FREM2: variants seen among roughly 807,000 people sequenced by gnomAD.
The protein encoded by FREM2 is FRAS1 related extracellular matrix 2.
Under a neutral mutation model 219.9 loss-of-function variants are expected in FREM2, and 119 were observed. The ratio of observed to expected loss-of-function variants is 0.54; its 90% CI spans 0.47 to 0.63. The LOEUF is 0.63. Among genes scored for constraint, FREM2 ranks in the 30% least tolerant of loss-of-function variants. The pLI is 0.00. For missense variants in FREM2, 4,030 were observed against 3,993.6 expected, an observed-to-expected ratio of 1.01 and a Z score of -0.25; for synonymous variants, 1,562 against 1,522.8, an observed-to-expected ratio of 1.03 and a Z score of -0.60.
intron 2 of FREM2, among the ~76,000 whole-genome samples, chr13:38,730,625 T>A (rs1322513989): frequency 6.6e-6 from 1 of 152,214 alleles, no homozygotes; most frequent in African/African-American, 2.4e-5. Context: ...CTCAGGCAGC[T>A]CACCCTCACT....
intron 2 of FREM2, among the ~76,000 whole-genome samples, chr13:38,745,811 A>G (rs1398652442): frequency 2.0e-5 from 3 of 152,060 alleles, no homozygotes; most frequent in Non-Finnish European, 4.4e-5. Flanking sequence ...GGTAATTATC[A>G]CTATTCTGCC....
Position 38,783,174 on chromosome 13 carries a change from G to C in FREM2, c.5746G>C (p.Val1916Leu). 1 of 1,614,054 alleles carries C rather than the reference G, an allele frequency of 6.2e-7. No individual in the cohort carries two copies. Among genetic ancestry groups the C allele is most frequent in the Non-Finnish European group, 8.5e-7 (1 of 1,179,982 alleles). ...RSGDVSQELM[V>L]VCYTQQGTAT... Reference sequence around the variant, plus strand: ...CGGAGATGTGAGCCAGGAGTTGATGGTGGTCTGTTATACCCAACAAGGTAG... The same window carrying C: ...CGGAGATGTGAGCCAGGAGTTGATGCTGGTCTGTTATACCCAACAAGGTAG... The change falls in exon 5 of 24, where the codon GTG (valine) becomes CTG (leucine). Residue 1916 changes from valine (V) to leucine (L), a missense_variant. Val to Leu is a conservative substitution (Grantham distance 32). Coordinates refer to ENST00000280481, the MANE Select transcript of FREM2 (RefSeq NM_207361.6).
intron 6 of FREM2, among the ~76,000 whole-genome samples, chr13:38,842,416 G>T (rs1264890761): frequency 6.6e-6 from 1 of 152,158 alleles, no homozygotes; most frequent in Non-Finnish European, 1.5e-5. Flanking sequence ...GAAACCTGGG[G>T]AAGGGGAGTG....
intron 2 of FREM2, among the ~76,000 whole-genome samples, chr13:38,755,616 A>T (rs375275496): frequency 5.3e-5 from 8 of 152,096 alleles, no homozygotes; most frequent in Non-Finnish European, 1.2e-4. Context: ...TATAGAGTCC[A>T]TTATTTTGCC....
intron 2 of FREM2, among the ~76,000 whole-genome samples, chr13:38,717,107 C>A (rs1372598116): frequency 6.6e-6 from 1 of 152,122 alleles, no homozygotes; most frequent in Non-Finnish European, 1.5e-5. Context: ...CTTCCTGTCA[C>A]TAGAAGTATT....
intron 2 of FREM2, among the ~76,000 whole-genome samples, chr13:38,759,786 C>A (rs182916886): frequency 6.6e-6 from 1 of 152,196 alleles, no homozygotes; most frequent in East Asian, 1.9e-4. Context: ...TATAATTTCA[C>A]GTTCAGTAAG....
At chr13:38,832,953 T>C (rs1876569250) in intron 6 of FREM2, among the ~76,000 whole-genome samples, 1 of 152,018 alleles carries the variant, frequency 6.6e-6, no homozygotes, top group Non-Finnish European at 1.5e-5. Context: ...ACAGAAGATT[T>C]GCTTAAGCCC....
rs1304259287 is a variant in FREM2 at position 38,690,686 on chromosome 13, T to G, written c.3342T>G (p.Tyr1114Ter). Residue 1114 changes from tyrosine to a stop codon, truncating the protein, a stop_gained, in exon 1 of 24, where the codon TAT becomes TAG. Transcript: ENST00000280481. LOFTEE classifies it high-confidence loss of function. ...CTIVIQPTSG[Y>*]VENISPAPGS... ...TAGTTATTCAGCCTACTTCAGGTTATGTTGAAAACATTTCTCCAGCACCAG... is the reference window on the plus strand; with the variant it reads ...TAGTTATTCAGCCTACTTCAGGTTAGGTTGAAAACATTTCTCCAGCACCAG... 5.0e-6 allele frequency: 8 copies of G among 1,614,060 alleles called. No homozygotes were observed. Among genetic ancestry groups the G allele is most frequent in the Non-Finnish European group, 6.8e-6 (8 of 1,180,040 alleles).
Position 38,784,750 on chromosome 13 carries a change from A to C in FREM2, c.5961A>C (p.Gly1987=), listed in dbSNP as rs377261589. ...FHVLLSMPMG[G]RIGSEFPGAQ... ...TCCTTCTGAGCATGCCCATGGGGGG[A>C]AGAATCGGATCAGAGTTCCCAGGGG... is the stretch of plus-strand genomic sequence containing the variant. Residue 1987 remains glycine (G), a synonymous_variant, in exon 6 of 24, where the codon GGA becomes GGC. Transcript: ENST00000280481. 6.2e-7 allele frequency: 1 copy of C among 1,614,082 alleles called. No individual in the cohort carries two copies. The highest frequency in any genetic ancestry group is 2.2e-5 in the East Asian group (1 of 44,864).
intron 6 of FREM2, among the ~76,000 whole-genome samples, chr13:38,795,297 A>G (rs1874725308): frequency 6.6e-6 from 1 of 150,402 alleles, no homozygotes; most frequent in Admixed American, 6.7e-5. Flanking sequence ...TACACCCTGG[A>G]TGAGGTGTCC....
At chr13:38,803,559 C>G (rs952116117) in intron 6 of FREM2, among the ~76,000 whole-genome samples, 2 of 151,786 alleles carry the variant, frequency 1.3e-5, no homozygotes, top group African/African-American at 4.8e-5. Context: ...CAATTTAATA[C>G]GCAGTATTGT....
At position 38,850,908 on chromosome 13, in the gene FREM2, T is replaced by C. The variant is rs539491220; in HGVS notation, c.6578-36T>C. 4.0e-5 allele frequency: 65 copies of C among 1,605,884 alleles called. 1 individual carries two copies. The South Asian group carries it at 6.6e-4, about 16-fold the overall frequency. Reference sequence around the variant, plus strand: ...CATTCTAGTTGTAGATATATTCCTATGGGATGTGATTGACCTGCTGACATT... The same window carrying C: ...CATTCTAGTTGTAGATATATTCCTACGGGATGTGATTGACCTGCTGACATT... On this transcript the variant is annotated intron_variant, in intron 9 of 23. Coordinates refer to ENST00000280481, the MANE Select transcript of FREM2 (RefSeq NM_207361.6).
rs558813012 is a variant in FREM2 at position 38,827,193 on chromosome 13, C to T, written c.6020-19380C>T. 3.9e-5 allele frequency among the ~76,000 whole-genome samples: 6 copies of T among 152,086 alleles called. 1 individual carries two copies. The South Asian group carries it at 6.2e-4, about 16-fold the overall frequency. ...CTTATACCACATTCTAGTTGTGTGG[C>T]GTTGAGCAAGTTATTTAACCTCTCT... On this transcript the variant is annotated intron_variant, in intron 6 of 23. Coordinates refer to ENST00000280481, the MANE Select transcript of FREM2 (RefSeq NM_207361.6).
intron 6 of FREM2, among the ~76,000 whole-genome samples, chr13:38,844,947 A>G (rs1311956644): frequency 2.0e-5 from 3 of 152,186 alleles, no homozygotes; most frequent in African/African-American, 7.2e-5. Context: ...CTTGTAATTG[A>G]GGTTGGCTTT....
intron 7 of FREM2, among the ~76,000 whole-genome samples, chr13:38,847,082 C>T (rs1164726819): frequency 1.3e-5 from 2 of 152,062 alleles, no homozygotes; most frequent in African/African-American, 4.8e-5. Context: ...CCCACAGAAA[C>T]CTATGACATT....
intron 17 of FREM2, 37 bp from the exon 18 acceptor site, chr13:38,874,445 A>G (rs759134193): frequency 1.3e-6 from 2 of 1,509,420 alleles, no homozygotes; most frequent in African/African-American, 1.4e-5. Context: ...GTCTCTGGCT[A>G]CATATATTTT....
In FREM2 at chr13:38,689,208, C is replaced by T; in HGVS notation, c.1864C>T (p.Gln622Ter). Residue 622 changes from glutamine (Q) to a stop codon, truncating the protein, a stop_gained, in exon 1 of 24, where the codon CAG (glutamine) becomes TAG (stop). Coordinates refer to ENST00000280481, the MANE Select transcript of FREM2 (RefSeq NM_207361.6). LOFTEE classifies it high-confidence loss of function. ...CCAAACTCACCCTCCCCATGAGAAG[C>T]AGGAACTTCTCAGAGGCCTTTGGAG... ...LRQTHPPHEK[Q>*]ELLRGLWRKE... 6.2e-7 allele frequency: 1 copy of T among 1,613,992 alleles called. No homozygotes were observed. The highest frequency in any genetic ancestry group is 8.5e-7 in the Non-Finnish European group (1 of 1,179,920).
At chr13:38,826,088 G>T (rs1426328975) in intron 6 of FREM2, among the ~76,000 whole-genome samples, 1 of 152,004 alleles carries the variant, frequency 6.6e-6, no homozygotes, top group African/African-American at 2.4e-5. Context: ...TTCCTTGAGA[G>T]GAAGCACCTA....
At position 38,691,205 on chromosome 13, in the gene FREM2, T is replaced by C. The variant is rs1167786119; in HGVS notation, c.3861T>C (p.Ser1287=). 6.2e-7 allele frequency: 1 copy of C among 1,614,056 alleles called. No homozygotes were observed. Among genetic ancestry groups the C allele is most frequent in the African/African-American group, 1.3e-5 (1 of 74,994 alleles). Residue 1287 remains serine (S), a synonymous_variant, in exon 1 of 24, where the codon TCT becomes TCC. Transcript: ENST00000280481. ...TTAAACTAACAGATGGGAAGCACTC[T>C]GTGGAAAAGACGGTCCTCATTATAG... ...FVIKLTDGKH[S]VEKTVLIIVI...
Sources: allele counts gnomAD v4.1 joint callset (sites outside exome capture counted in the v4.1 genomes callset), GRCh38; gene constraint gnomAD v4.1.1; transcripts MANE v1.5; gene names NCBI Gene and HGNC (gene_info 2026-07-23, HGNC 2026-07-21).